Variants in STXBP5L observed in about 807,000 individuals in gnomAD.
STXBP5L encodes syntaxin binding protein 5L.
In STXBP5L, 65 loss-of-function variants were observed where a neutral mutation model predicts 144.5. The ratio of observed to expected loss-of-function variants is 0.45; its 90% CI spans 0.37 to 0.55. STXBP5L has a LOEUF of 0.55. Among genes scored for constraint, STXBP5L ranks in the 20% least tolerant of loss-of-function variants. The probability of loss-of-function intolerance (pLI) is 0.00; values close to 1 mark genes in which losing one functional copy is unlikely to be tolerated. For missense variants in STXBP5L, 1,298 were observed against 1,405.5 expected, an observed-to-expected ratio of 0.92 and a Z score of 1.22; for synonymous variants, 505 against 469.6, an observed-to-expected ratio of 1.08 and a Z score of -0.97.
chr3:121,213,952 G>A (rs1013983256), intron 10 of STXBP5L, among the ~76,000 whole-genome samples: 16 of 152,092 alleles, frequency 1.1e-4, no homozygotes, highest in African/African-American at 3.4e-4. Flanking sequence ...TATGTGGTTA[G>A]GAATTTATCC....
At chr3:120,981,529 A>G (rs971535298) in intron 3 of STXBP5L, among the ~76,000 whole-genome samples, 16 of 152,038 alleles carry the variant, frequency 1.1e-4, no homozygotes, top group African/African-American at 3.9e-4. Context: ...TTAGTTCTAG[A>G]AGTTCTTTTT....
chr3:120,991,941 C>A (rs1263052905), intron 3 of STXBP5L, among the ~76,000 whole-genome samples: 4 of 151,986 alleles, frequency 2.6e-5, no homozygotes, highest in African/African-American at 9.7e-5. Context: ...TGCAGATGTA[C>A]CCTAAAACTT....
rs56060971 is a variant in STXBP5L at position 121,323,573 on chromosome 3, C to T, written c.2176+5033C>T. 1.8e-3 allele frequency among the ~76,000 whole-genome samples: 268 copies of T among 152,212 alleles called. 1 individual carries two copies. Among genetic ancestry groups the T allele is most frequent in the Non-Finnish European group, 2.8e-3 (189 of 67,988 alleles). On this transcript the variant is annotated intron_variant, in intron 20 of 26. Coordinates refer to ENST00000471454, the MANE Select transcript of STXBP5L (RefSeq NM_001308330.2). ...TCTCAGTTTCCAAGATAATATAACA[C>T]TTTATATTATCTATTCATTCACTCA... is the stretch of plus-strand genomic sequence containing the variant.
chr3:120,960,615 T>C (rs1330601542), intron 3 of STXBP5L, among the ~76,000 whole-genome samples: 1 of 152,182 alleles, frequency 6.6e-6, no homozygotes, highest in Non-Finnish European at 1.5e-5. Flanking sequence ...TGTAGGGACA[T>C]GGATGAAGTT....
intron 3 of STXBP5L, among the ~76,000 whole-genome samples, chr3:120,968,301 C>T (rs977054314): frequency 6.6e-6 from 1 of 152,084 alleles, no homozygotes; most frequent in Non-Finnish European, 1.5e-5. Context: ...CTGCATATAT[C>T]TTTATAACTG....
chr3:121,035,116 T>C (rs1334960449), intron 3 of STXBP5L, among the ~76,000 whole-genome samples: 1 of 152,180 alleles, frequency 6.6e-6, no homozygotes, highest in East Asian at 1.9e-4. Context: ...ATTTTGGATG[T>C]CAGTCCCCAG....
intron 22 of STXBP5L, among the ~76,000 whole-genome samples, chr3:121,382,377 G>A (rs1473221362): frequency 6.6e-6 from 1 of 151,954 alleles, no homozygotes; most frequent in Non-Finnish European, 1.5e-5. Flanking sequence ...GGCAAATTCA[G>A]ATTTGTGTTT....
chr3:120,931,908 A>AG (rs1185497321), intron 2 of STXBP5L, among the ~76,000 whole-genome samples: 1 of 152,240 alleles, frequency 6.6e-6, no homozygotes, highest in Non-Finnish European at 1.5e-5. Flanking sequence ...ACTTAATGAT[A>AG]GGGATAGGTT....
chr3:120,948,751 A>G (rs1166902596), intron 2 of STXBP5L, among the ~76,000 whole-genome samples: 2 of 151,896 alleles, frequency 1.3e-5, no homozygotes, highest in African/African-American at 4.8e-5. Context: ...TTTTTATGAC[A>G]GAGTAGTATT....
Position 121,373,674 on chromosome 3 carries a change from C to A in STXBP5L, c.2177-5042C>A, listed in dbSNP as rs535917565. On this transcript the variant is annotated intron_variant, in intron 20 of 26. Coordinates refer to ENST00000471454, the MANE Select transcript of STXBP5L (RefSeq NM_001308330.2). Reference sequence around the variant, plus strand: ...GAGGCTGTATACTCACATGCCCCACCCAGGGGAGCAGGGATCAGCCTGCCT... The same window carrying A: ...GAGGCTGTATACTCACATGCCCCACACAGGGGAGCAGGGATCAGCCTGCCT... Among the ~76,000 whole-genome samples, 8 of 152,258 alleles carry A rather than the reference C, an allele frequency of 5.3e-5. No homozygotes were observed. The East Asian group carries it at 1.2e-3, about 22-fold the overall frequency.
chr3:120,936,833 G>A (rs1439915901), intron 2 of STXBP5L, among the ~76,000 whole-genome samples: 6 of 151,994 alleles, frequency 3.9e-5, no homozygotes, highest in African/African-American at 9.7e-5. Flanking sequence ...GAGCCACCAC[G>A]CCTGGCCACA....
At chr3:121,373,351 G>A (rs766210910) in intron 20 of STXBP5L, among the ~76,000 whole-genome samples, 1 of 152,220 alleles carries the variant, frequency 6.6e-6, no homozygotes, top group African/African-American at 2.4e-5. Context: ...TGGGCCCTGA[G>A]CCTAGTATAA....
At chr3:121,332,654 T>A (rs2044359402) in intron 20 of STXBP5L, among the ~76,000 whole-genome samples, 1 of 152,034 alleles carries the variant, frequency 6.6e-6, no homozygotes. Flanking sequence ...ATCACTGGTG[T>A]TTCTGAAGAA....
At chr3:121,137,938 G>A (rs116031814) in intron 7 of STXBP5L, among the ~76,000 whole-genome samples, 1,730 of 152,146 alleles carry the variant, frequency 0.011, 17 homozygotes, top group Middle Eastern at 0.02. Flanking sequence ...AGAGCAACTA[G>A]GCAAGTGAAA....
At chr3:120,940,776 C>T (rs1433056608) in intron 2 of STXBP5L, among the ~76,000 whole-genome samples, 1 of 151,548 alleles carries the variant, frequency 6.6e-6, no homozygotes, top group Non-Finnish European at 1.5e-5. Context: ...ATGGTTAGTT[C>T]ATGTTATTAG....
chr3:121,070,509 G>A (rs1281070779), intron 5 of STXBP5L, among the ~76,000 whole-genome samples: 1 of 152,074 alleles, frequency 6.6e-6, no homozygotes, highest in Non-Finnish European at 1.5e-5. Context: ...CTACTATTAG[G>A]TTATAGTTAT....
intron 10 of STXBP5L, among the ~76,000 whole-genome samples, chr3:121,208,423 G>T (rs1371980513): frequency 6.6e-6 from 1 of 152,022 alleles, no homozygotes; most frequent in Non-Finnish European, 1.5e-5. Context: ...CATGGTGCAT[G>T]TATACATATG....
At chr3:121,134,407 C>A (rs1290035012) in intron 7 of STXBP5L, among the ~76,000 whole-genome samples, 10 of 151,314 alleles carry the variant, frequency 6.6e-5, no homozygotes, top group South Asian at 2.1e-4. Context: ...GATTAAATTT[C>A]TTTTTTTTTA....
intron 20 of STXBP5L, among the ~76,000 whole-genome samples, chr3:121,327,643 CT>C (rs2044194674): frequency 6.6e-6 from 1 of 152,028 alleles, no homozygotes; most frequent in South Asian, 2.1e-4. Flanking sequence ...TATTTTGTTT[CT>C]TTTTTTAGTC....
Sources: allele counts gnomAD v4.1 joint callset (sites outside exome capture counted in the v4.1 genomes callset), GRCh38; gene constraint gnomAD v4.1.1; transcripts MANE v1.5; gene names NCBI Gene and HGNC (gene_info 2026-07-23, HGNC 2026-07-21).